The following FARP2 variants were observed in gnomAD, a reference collection of about 807,000 sequenced individuals.
The protein encoded by FARP2 is FERM, ARHGEF and pleckstrin domain-containing protein 2.
Under a neutral mutation model 130.5 loss-of-function variants are expected in FARP2, and 111 were observed. The observed-to-expected ratio is 0.85, with a 90% CI of 0.73 to 1.00. FARP2 has a LOEUF of 1.00. Among genes scored for constraint, FARP2 ranks in the 50% least tolerant of loss-of-function variants. The pLI is 0.00. For synonymous variants in FARP2, 504 were observed against 516.9 expected (o/e 0.98, Z 0.34); for missense variants, 1,385 against 1,346.3 (o/e 1.03, Z -0.45).
chr2:241,488,613 G>C (rs986702864), intron 21 of FARP2: 1 of 151,940 alleles, frequency 6.6e-6, no homozygotes, highest in African/African-American at 2.4e-5. Flanking sequence ...TGTTAGCCAG[G>C]ATGGTCTCGA....
chr2:241,454,588 T>A (rs17387035), intron 13 of FARP2, among the ~76,000 whole-genome samples: 1 of 152,080 alleles, frequency 6.6e-6, no homozygotes, highest in Admixed American at 6.6e-5. Flanking sequence ...AATCCACGCT[T>A]CAGGGGCTAG....
intron 2 of FARP2, chr2:241,386,949 C>A (rs748627057): frequency 1.3e-5 from 2 of 152,196 alleles, no homozygotes; most frequent in Non-Finnish European, 2.9e-5. Flanking sequence ...AACCATGTAA[C>A]CAAGGTCCCC....
At chr2:241,437,768 C>T (rs1325178066) in intron 12 of FARP2, among the ~76,000 whole-genome samples, 1 of 151,600 alleles carries the variant, frequency 6.6e-6, no homozygotes, top group African/African-American at 2.4e-5. Context: ...GTGTTCACAC[C>T]ATTCACCTGC....
chr2:241,386,727 C>T (rs553189716), intron 2 of FARP2: 1 of 152,328 alleles, frequency 6.6e-6, no homozygotes, highest in South Asian at 2.1e-4. Flanking sequence ...TTGGTTCCCA[C>T]CAATTTCACC....
chr2:241,492,688 CTT>C, intron 24 of FARP2: 1 of 464,098 alleles, frequency 2.2e-6, no homozygotes, highest in Non-Finnish European at 3.9e-6. Context: ...TGAACACTGA[CTT>C]TATTGTGCAC....
At chr2:241,402,847 TA>T (rs2062209931) in intron 2 of FARP2, among the ~76,000 whole-genome samples, 1 of 7,294 alleles carries the variant, frequency 1.4e-4, no homozygotes, top group East Asian at 3.0e-3. Flanking sequence ...TATATATATA[TA>T]TATATATATA....
chr2:241,403,718 G>A (rs990342487), intron 2 of FARP2, 110 bp from the exon 3 acceptor site: 2 of 589,838 alleles, frequency 3.4e-6, no homozygotes, highest in African/African-American at 3.8e-5. Flanking sequence ...TTATACACTG[G>A]AAGACAAAGT....
At chr2:241,407,749 G>T in intron 5 of FARP2, 134 bp downstream of exon 5, 1 of 630,702 alleles carries the variant, frequency 1.6e-6, no homozygotes, top group Non-Finnish European at 2.7e-6. Flanking sequence ...GTGTAGAGTG[G>T]TTAACAGAAG....
chr2:241,486,487 A>C (rs1457229075), intron 21 of FARP2, among the ~76,000 whole-genome samples: 65 of 120,146 alleles, frequency 5.4e-4, no homozygotes, highest in African/African-American at 1.8e-3. Context: ...AAAAAAAAAA[A>C]CACAGAGAAA....
intron 5 of FARP2, among the ~76,000 whole-genome samples, chr2:241,409,720 A>T (rs2062466054): frequency 6.6e-6 from 1 of 152,240 alleles, no homozygotes; most frequent in African/African-American, 2.4e-5. Context: ...ATCAAATGAT[A>T]CGTATTGAAC....
At position 241,434,980 on chromosome 2, in the gene FARP2, A is replaced by T. The variant is rs2063187252; in HGVS notation, c.1050A>T (p.Gln350His). The T allele has an allele frequency of 1.3e-6, 2 of 1,590,894 alleles. No homozygotes were observed. Among genetic ancestry groups the T allele is most frequent in the African/African-American group, 2.7e-5 (2 of 74,312 alleles). Residue 350 changes from glutamine to histidine, a missense_variant, in exon 11 of 27, where the codon CAA (glutamine) becomes CAT (histidine). Gln to His is a conservative substitution (Grantham distance 24, BLOSUM62 0). Transcript: ENST00000264042. ...TTCACAGTGGAAGAACTCAGAAACA[A>T]CTAGTAGATTATTTCAAAGACAGTG... is the stretch of plus-strand genomic sequence containing the variant. ...SFRYSGRTQK[Q>H]LVDYFKDSGM...
chr2:241,370,272 A>G (rs1466974249), intron 1 of FARP2, among the ~76,000 whole-genome samples: 1 of 152,208 alleles, frequency 6.6e-6, no homozygotes, highest in Non-Finnish European at 1.5e-5. Flanking sequence ...GTTTGCTTGT[A>G]TAAGGATACA....
chr2:241,484,398 C>G, intron 21 of FARP2, 67 bp downstream of exon 21: 1 of 1,302,462 alleles, frequency 7.7e-7, no homozygotes, highest in Non-Finnish European at 1.1e-6. Context: ...CTACCTCTCT[C>G]CTGCAGAGGC....
chr2:241,462,325 C>T (rs906693847), intron 14 of FARP2, among the ~76,000 whole-genome samples, 198 bp from the exon 15 acceptor site: 5 of 152,218 alleles, frequency 3.3e-5, no homozygotes. Flanking sequence ...GATATTTGAA[C>T]AGCAATTCTT....
chr2:241,428,282 T>C (rs116473930), intron 8 of FARP2, among the ~76,000 whole-genome samples: 2,592 of 146,110 alleles, frequency 0.018, 59 homozygotes, highest in African/African-American at 0.061. Context: ...TCGTCCAGGC[T>C]GGAGTACAGT....
At chr2:241,407,355 G>A (rs1023630024) in intron 4 of FARP2, among the ~76,000 whole-genome samples, 182 bp from the exon 5 acceptor site, 1 of 152,116 alleles carries the variant, frequency 6.6e-6, no homozygotes, top group African/African-American at 2.4e-5. Context: ...GCCTCCCAAA[G>A]GGGTGGGATT....
intron 15 of FARP2, 22 bp from the exon 16 acceptor site, chr2:241,463,313 T>C (rs2150474753): frequency 6.2e-7 from 1 of 1,610,328 alleles, no homozygotes; most frequent in African/African-American, 1.3e-5. Context: ...ACACCTCCCA[T>C]CACACCACAC....
At chr2:241,362,807 G>A (rs1207633652) in intron 1 of FARP2, among the ~76,000 whole-genome samples, 2 of 152,138 alleles carry the variant, frequency 1.3e-5, no homozygotes, top group Non-Finnish European at 2.9e-5. Flanking sequence ...CAAAGATAAT[G>A]TATACTCGTC....
Position 241,436,468 on chromosome 2 carries a change from C to T in FARP2, c.1101-13C>T. ...AGGGCTTGGTTTCTCACAGCTCGTC[C>T]TCTGTTTTGCAGAAGGCACAGCAAG... On this transcript the variant is annotated splice_polypyrimidine_tract_variant and intron_variant, in intron 11 of 26. Coordinates refer to ENST00000264042, the MANE Select transcript of FARP2 (RefSeq NM_014808.4). The T allele has an allele frequency of 1.9e-6, 3 of 1,614,036 alleles. No homozygotes were observed. Among genetic ancestry groups the T allele is most frequent in the Non-Finnish European group, 1.7e-6 (2 of 1,179,910 alleles).
Sources: allele counts gnomAD v4.1 joint callset (sites outside exome capture counted in the v4.1 genomes callset), GRCh38; gene constraint gnomAD v4.1.1; transcripts MANE v1.5; gene names NCBI Gene and HGNC (gene_info 2026-07-23, HGNC 2026-07-21).